The following CRAMP1 variants were observed in gnomAD, a reference collection of about 807,000 sequenced individuals.
CRAMP1 encodes cramped chromatin regulator 1.
Under a neutral mutation model 115.4 loss-of-function variants are expected in CRAMP1, and 50 were observed. The observed-to-expected ratio is 0.43, with a 90% CI of 0.35 to 0.55. The LOEUF (loss-of-function observed/expected upper bound fraction) is 0.55. CRAMP1 is among the 20% of genes least tolerant of loss of function. The probability of loss-of-function intolerance (pLI) is 0.01; values close to 1 mark genes in which losing one functional copy is unlikely to be tolerated. For missense variants in CRAMP1, 1,679 were observed against 1,721.7 expected, an observed-to-expected ratio of 0.98 and a Z score of 0.44; for synonymous variants, 866 against 745.4, an observed-to-expected ratio of 1.16 and a Z score of -2.64.
At chr16:1,652,098 C>T (rs1345959354) in intron 6 of CRAMP1, among the ~76,000 whole-genome samples, 1 of 152,148 alleles carries the variant, frequency 6.6e-6, no homozygotes, top group African/African-American at 2.4e-5. Flanking sequence ...GGACTGAGAG[C>T]TTCTGCTCTG....
intron 6 of CRAMP1, among the ~76,000 whole-genome samples, chr16:1,651,929 A>C (rs1159739114): frequency 6.6e-6 from 1 of 151,100 alleles, no homozygotes; most frequent in East Asian, 2.0e-4. Flanking sequence ...AACTGAGGTC[A>C]CAGAGAGGTC....
chr16:1,660,938 G>A (rs1219546048), intron 11 of CRAMP1, among the ~76,000 whole-genome samples: 1 of 152,196 alleles, frequency 6.6e-6, no homozygotes, highest in Non-Finnish European at 1.5e-5. Flanking sequence ...GAACCCGGAA[G>A]GCGGAGGTTG....
intron 2 of CRAMP1, among the ~76,000 whole-genome samples, chr16:1,619,891 T>C (rs974716363): frequency 6.6e-6 from 1 of 152,082 alleles, no homozygotes; most frequent in Non-Finnish European, 1.5e-5. Flanking sequence ...CCAGGGCTCT[T>C]GCAGGCACGC....
intron 9 of CRAMP1, 51 bp downstream of exon 9, chr16:1,655,351 C>A: frequency 1.4e-6 from 2 of 1,447,014 alleles, no homozygotes; most frequent in Non-Finnish European, 1.9e-6. Flanking sequence ...GCCTCTGCTG[C>A]CCAGAGATGG....
Position 1,666,147 on chromosome 16 carries a change from C to T in CRAMP1, c.2827C>T (p.Leu943Phe). 1 of 1,610,298 alleles carries T rather than the reference C, an allele frequency of 6.2e-7. No individual in the cohort carries two copies. Among genetic ancestry groups the T allele is most frequent in the Non-Finnish European group, 8.5e-7 (1 of 1,178,412 alleles). The change falls in exon 15 of 21, where the codon CTT (leucine) becomes TTT (phenylalanine). Residue 943 changes from leucine (L) to phenylalanine (F), a missense_variant. Coordinates refer to ENST00000397412, the MANE Select transcript of CRAMP1 (RefSeq NM_020825.4). The surrounding 1 kb of genome is among the most constrained non-coding windows in gnomAD (Gnocchi z 5.0). ...GTCTCGGCCGATCGTGCCCAAGGTC[C>T]TTCCACCCCAGGCCACGAGTCACCT... is the stretch of plus-strand genomic sequence containing the variant. ...ALSRPIVPKVLPPQATSHLAS... is the reference protein window; with the variant it reads ...ALSRPIVPKVFPPQATSHLAS...
At chr16:1,634,342 G>A (rs1341688471) in intron 4 of CRAMP1, among the ~76,000 whole-genome samples, 2 of 152,360 alleles carry the variant, frequency 1.3e-5, no homozygotes, top group African/African-American at 2.4e-5. Flanking sequence ...ATTTCAGAAG[G>A]CAGTCAAAGC....
chr16:1,672,041 G>A lies in CRAMP1; in HGVS notation c.3645+1232G>A, dbSNP rs932556982. Among the ~76,000 whole-genome samples the A allele has an allele frequency of 1.3e-5, 2 of 152,218 alleles. No individual in the cohort carries two copies. The highest frequency in any genetic ancestry group is 2.4e-5 in the African/African-American group (1 of 41,462). On this transcript the variant is annotated intron_variant, in intron 20 of 20. Coordinates refer to ENST00000397412, the MANE Select transcript of CRAMP1 (RefSeq NM_020825.4). This position sits in a 1 kb window ranked among gnomAD's most constrained non-coding sequence, Gnocchi z 4.9. ...TGTCTCTTCCCCTGTTTGTGCGCAT[G>A]TTCCTAAGTGCTGGGCTCTGTGGAG...
intron 6 of CRAMP1, among the ~76,000 whole-genome samples, chr16:1,641,849 C>T (rs919159455): frequency 2.0e-5 from 3 of 150,902 alleles, no homozygotes; most frequent in East Asian, 1.9e-4. Flanking sequence ...TTCCCCACTC[C>T]GCAGCCTGGG....
At chr16:1,636,310 G>C (rs896051561) in intron 4 of CRAMP1, among the ~76,000 whole-genome samples, 1 of 151,966 alleles carries the variant, frequency 6.6e-6, no homozygotes, top group Admixed American at 6.6e-5. Flanking sequence ...GGCGGAGGTT[G>C]CAGTGAGCTG....
intron 2 of CRAMP1, among the ~76,000 whole-genome samples, chr16:1,621,676 C>T (rs1459470166): frequency 6.6e-6 from 1 of 152,088 alleles, no homozygotes; most frequent in African/African-American, 2.4e-5. Context: ...TGTGTGAGGC[C>T]TGGGACCAGG....
Position 1,677,405 on chromosome 16 carries a change from T to G in CRAMP1, c.*3360T>G, listed in dbSNP as rs994814418. On this transcript the variant is annotated 3_prime_UTR_variant, in exon 21 of 21. Coordinates refer to ENST00000397412, the MANE Select transcript of CRAMP1 (RefSeq NM_020825.4). ...TTGCAGTGAGTCGAGATCGCGCCAG[T>G]GCACTCCAGCCTGGGCAAGAAGAGC... 2.0e-5 allele frequency: 3 copies of G among 152,218 alleles called. No individual in the cohort carries two copies. 9.4% of individuals were successfully genotyped at this position (152,218 alleles called of 1,614,324 possible).
intron 2 of CRAMP1, among the ~76,000 whole-genome samples, chr16:1,621,339 A>G (rs951800236): frequency 6.6e-6 from 1 of 152,222 alleles, no homozygotes; most frequent in African/African-American, 2.4e-5. Flanking sequence ...CTGTGCCCTC[A>G]CTGCACCGTC....
intron 2 of CRAMP1, among the ~76,000 whole-genome samples, chr16:1,622,638 A>G (rs550962064): frequency 4.3e-4 from 66 of 152,274 alleles, no homozygotes; most frequent in African/African-American, 1.5e-3. Context: ...TGTAGAGACA[A>G]GGTCTCCCTG....
intron 2 of CRAMP1, among the ~76,000 whole-genome samples, chr16:1,618,490 TGA>T (rs2036439626): frequency 6.6e-6 from 1 of 152,058 alleles, no homozygotes; most frequent in South Asian, 2.1e-4. Context: ...GCAGATGGGA[TGA>T]GAGAACACTG....
chr16:1,626,673 G>A (rs1283715846), intron 3 of CRAMP1, among the ~76,000 whole-genome samples: 2 of 152,108 alleles, frequency 1.3e-5, no homozygotes, highest in African/African-American at 4.8e-5. Context: ...CCCAGTGAAT[G>A]CCCGTGCTCC....
intron 4 of CRAMP1, among the ~76,000 whole-genome samples, chr16:1,636,587 C>G (rs1457486479): frequency 1.3e-5 from 2 of 152,144 alleles, no homozygotes; most frequent in African/African-American, 4.8e-5. Flanking sequence ...CTAGAGAGGA[C>G]AATTGTGAGA....
chr16:1,650,720 A>G (rs554115082), intron 6 of CRAMP1, among the ~76,000 whole-genome samples: 4 of 152,268 alleles, frequency 2.6e-5, no homozygotes, highest in African/African-American at 9.6e-5. Flanking sequence ...ACTGTTTCTT[A>G]GAAATTGAAT....
At chr16:1,641,048 A>T in intron 5 of CRAMP1, 91 bp from the exon 6 acceptor site, 1 of 845,714 alleles carries the variant, frequency 1.2e-6, no homozygotes, top group Non-Finnish European at 2.0e-6. Context: ...ATGGGATTTG[A>T]GTCTATATTG....
At chr16:1,642,501 G>A (rs1236691562) in intron 6 of CRAMP1, among the ~76,000 whole-genome samples, 2 of 152,202 alleles carry the variant, frequency 1.3e-5, no homozygotes, top group Admixed American at 1.3e-4. Context: ...ACAGCCAGGG[G>A]CCGCCAGCCA....
Sources: gnomAD v4.1 joint callset for allele counts (sites outside exome capture counted in the v4.1 genomes callset) on GRCh38, gnomAD v4.1.1 for gene constraint, Gnocchi (gnomAD v3.1) non-coding constraint, MANE v1.5 for transcripts, NCBI Gene and HGNC (gene_info 2026-07-23, HGNC 2026-07-21) for gene names.